The following FAM135B variants were observed in gnomAD, a reference collection of about 807,000 sequenced individuals.
FAM135B encodes protein FAM135B.
FAM135B carries 43 observed loss-of-function variants against 127.7 expected under a neutral mutation model. The observed-to-expected ratio is 0.34, with a 90% CI of 0.26 to 0.43. The LOEUF is 0.43. Among genes scored for constraint, FAM135B ranks in the 20% least tolerant of loss-of-function variants. The pLI, the probability that FAM135B is intolerant of heterozygous loss-of-function variation, is 1.00. For missense variants in FAM135B, 1,558 were observed against 1,725.6 expected, an observed-to-expected ratio of 0.90 and a Z score of 1.72; for synonymous variants, 670 against 665.1, an observed-to-expected ratio of 1.01 and a Z score of -0.11.
Position 138,459,224 on chromosome 8 carries a change from A to G in FAM135B, c.-20+37447T>C, listed in dbSNP as rs538937461. The G allele has an allele frequency of 4.6e-5, 7 of 152,326 alleles. No individual in the cohort carries two copies. The East Asian group carries it at 1.4e-3, about 29-fold the overall frequency. The allele number at this position is 152,326 out of a possible 1,614,324, so 9.4% of individuals were successfully genotyped here. A position where few individuals can be genotyped will look rare whatever the true frequency, so the allele number is the denominator to read the frequency against. ...TTGCCGTAAACATCAGTAGCCTCCA[A>G]AAGTGTCAGTTCTCGGGCAGTAAGA... On this transcript the variant is annotated intron_variant, in intron 1 of 19. Transcript: ENST00000395297.
intron 2 of FAM135B, among the ~76,000 whole-genome samples, chr8:138,338,974 G>A (rs1484342834): frequency 7.2e-5 from 11 of 151,840 alleles, no homozygotes; most frequent in African/African-American, 2.4e-4. Flanking sequence ...CATGGATGAA[G>A]CTGGAAACCA....
At chr8:138,238,212 A>C (rs1820451760) in intron 7 of FAM135B, among the ~76,000 whole-genome samples, 1 of 152,232 alleles carries the variant, frequency 6.6e-6, no homozygotes, top group South Asian at 2.1e-4. Flanking sequence ...TTATGTGGAT[A>C]AATGACAGAA....
chr8:138,423,355 C>T lies in FAM135B; in HGVS notation c.-19-55353G>A, dbSNP rs190948574. ...CCAGATATCGGGCGAAATTCACCCC[C>T]GATATTTCACATGGGTTCTTTTCTA... On this transcript the variant is annotated intron_variant, in intron 1 of 19. Transcript: ENST00000395297. Among the ~76,000 whole-genome samples the T allele has an allele frequency of 4.3e-3, 648 of 152,152 alleles. 2 individuals are homozygous for T. The highest frequency in any genetic ancestry group is 5.2e-3 in the Non-Finnish European group (352 of 68,014).
chr8:138,436,460 C>G (rs1835464369), intron 1 of FAM135B, among the ~76,000 whole-genome samples: 1 of 152,110 alleles, frequency 6.6e-6, no homozygotes, highest in African/African-American at 2.4e-5. Flanking sequence ...CACTGGGCAG[C>G]AGGAATCAAA....
chr8:138,350,601 A>T (rs1360351141), intron 2 of FAM135B, among the ~76,000 whole-genome samples: 1 of 152,164 alleles, frequency 6.6e-6, no homozygotes, highest in Non-Finnish European at 1.5e-5. Flanking sequence ...TATCTGAAGG[A>T]CTAATGTTCC....
At chr8:138,295,102 C>CTTTTTTTTTTTT (rs527258472) in intron 3 of FAM135B, among the ~76,000 whole-genome samples, 3 of 82,216 alleles carry the variant, frequency 3.6e-5, no homozygotes, top group African/African-American at 9.9e-5. Context: ...CTTGCTGGTG[C>CTTTTTTTTTTTT]TTTTTTTTTT....
intron 5 of FAM135B, among the ~76,000 whole-genome samples, chr8:138,255,892 C>A (rs1409507516): frequency 6.6e-6 from 1 of 152,130 alleles, no homozygotes; most frequent in Admixed American, 6.5e-5. Flanking sequence ...CCTGACCCTG[C>A]AAAGCCTGCA....
chr8:138,404,422 G>A lies in FAM135B; in HGVS notation c.-19-36420C>T, dbSNP rs60324104. Among the ~76,000 whole-genome samples, 1,417 of 152,306 alleles carry A rather than the reference G, an allele frequency of 9.3e-3. 17 individuals carry two copies. Among genetic ancestry groups the A allele is most frequent in the African/African-American group, 0.031 (1,309 of 41,570 alleles). On this transcript the variant is annotated intron_variant, in intron 1 of 19. Coordinates refer to ENST00000395297, the MANE Select transcript of FAM135B (RefSeq NM_015912.4). ...CTGACTGATCGGGGTAATAGTTGCT[G>A]AAGGTTAAGGTGACTGTGACAAATT... is the stretch of plus-strand genomic sequence containing the variant.
chr8:138,264,121 T>C (rs1319257996), intron 4 of FAM135B, among the ~76,000 whole-genome samples: 1 of 152,162 alleles, frequency 6.6e-6, no homozygotes, highest in African/African-American at 2.4e-5. Context: ...AACACCCCAA[T>C]GTCATTCCCA....
intron 1 of FAM135B, among the ~76,000 whole-genome samples, chr8:138,390,083 A>G (rs11785597): frequency 0.19 from 28,473 of 152,236 alleles, 3,072 homozygotes; most frequent in Non-Finnish European, 0.24. Flanking sequence ...TTCCAGACTT[A>G]GCAAATAAAA....
intron 2 of FAM135B, among the ~76,000 whole-genome samples, chr8:138,366,320 G>A (rs559904064): frequency 1.3e-4 from 19 of 149,502 alleles, no homozygotes; most frequent in East Asian, 1.9e-4. Flanking sequence ...TCTTGTAAAC[G>A]TGAACCTGAA....
intron 14 of FAM135B, among the ~76,000 whole-genome samples, chr8:138,147,453 AT>A (rs1225299797): frequency 2.0e-5 from 3 of 152,240 alleles, no homozygotes; most frequent in Non-Finnish European, 4.4e-5. Context: ...ATTTATAAGA[AT>A]ACGAATCTTG....
intron 1 of FAM135B, among the ~76,000 whole-genome samples, chr8:138,408,722 A>C (rs1833678418): frequency 6.6e-6 from 1 of 152,076 alleles, no homozygotes; most frequent in African/African-American, 2.4e-5. Flanking sequence ...AGCACAGGGG[A>C]ACTGCCACTT....
At chr8:138,227,890 A>G (rs1269253953) in intron 7 of FAM135B, among the ~76,000 whole-genome samples, 1 of 152,120 alleles carries the variant, frequency 6.6e-6, no homozygotes, top group East Asian at 1.9e-4. Context: ...GCATAATTGC[A>G]AGGTGAACTG....
At chr8:138,462,107 G>A (rs1403585877) in intron 1 of FAM135B, among the ~76,000 whole-genome samples, 1 of 151,974 alleles carries the variant, frequency 6.6e-6, no homozygotes. Context: ...CAGAAACAAA[G>A]TAGAAATGAG....
chr8:138,495,874 G>A (rs1156268785), intron 1 of FAM135B, among the ~76,000 whole-genome samples: 1 of 152,192 alleles, frequency 6.6e-6, no homozygotes, highest in African/African-American at 2.4e-5. Context: ...CTGAAGCGGT[G>A]TCTCCAGCTG....
At chr8:138,470,470 T>A (rs562346082) in intron 1 of FAM135B, among the ~76,000 whole-genome samples, 1 of 152,324 alleles carries the variant, frequency 6.6e-6, no homozygotes, top group South Asian at 2.1e-4. Flanking sequence ...GGATGATATT[T>A]TTATAACGTA....
intron 12 of FAM135B, among the ~76,000 whole-genome samples, chr8:138,157,772 C>A (rs1408347749): frequency 6.6e-6 from 1 of 152,176 alleles, no homozygotes; most frequent in Non-Finnish European, 1.5e-5. Flanking sequence ...GGAGAAACTA[C>A]AAACCACTGC....
intron 4 of FAM135B, among the ~76,000 whole-genome samples, chr8:138,257,048 T>A (rs762547966): frequency 1.3e-5 from 2 of 152,190 alleles, no homozygotes; most frequent in African/African-American, 2.4e-5. Flanking sequence ...CTTTTGAGAA[T>A]CTCATTTGGA....
Sources: allele counts gnomAD v4.1 joint callset (sites outside exome capture counted in the v4.1 genomes callset), GRCh38; gene constraint gnomAD v4.1.1; transcripts MANE v1.5; gene names NCBI Gene and HGNC (gene_info 2026-07-23, HGNC 2026-07-21).